Variants in LOC400499 observed in about 807,000 individuals in gnomAD.
the LOC400499 span, chr16:11,478,069 T>C: frequency 5.0e-6 from 2 of 396,654 alleles, no homozygotes; most frequent in East Asian, 7.2e-5. Context: ...TCCCAGCACT[T>C]TGGGAGGCCG....
At chr16:11,431,848 C>T in the LOC400499 span, among the ~76,000 whole-genome samples, 2 of 152,314 alleles carry the variant, frequency 1.3e-5, no homozygotes, top group African/African-American at 4.8e-5. Flanking sequence ...TATGTCCTCT[C>T]CCTTTGAATC....
the LOC400499 span, chr16:11,447,020 A>C: frequency 4.8e-6 from 6 of 1,256,728 alleles, no homozygotes; most frequent in Non-Finnish European, 6.4e-6. Flanking sequence ...TTGCAGAGTT[A>C]AGACTCTGCC....
At chr16:11,488,777 A>ATGTCCTCGGGGAGGG in the LOC400499 span, 2 of 398,780 alleles carry the variant, frequency 5.0e-6, no homozygotes, top group African/African-American at 4.1e-5. Flanking sequence ...CTGGCTGAGG[A>ATGTCCTCGGGGAGGG]TGTCCTCGGG....
chr16:11,377,118 A>C, the LOC400499 span, among the ~76,000 whole-genome samples: 1 of 152,072 alleles, frequency 6.6e-6, no homozygotes, highest in Non-Finnish European at 1.5e-5. Flanking sequence ...CATGCCCGGC[A>C]GGAATTGTTT....
the LOC400499 span, chr16:11,465,135 T>C: frequency 2.0e-5 from 3 of 152,374 alleles, no homozygotes; most frequent in African/African-American, 7.2e-5. Context: ...CAATCATGCC[T>C]GGTGGGATCA....
chr16:11,381,926 T>C, the LOC400499 span, among the ~76,000 whole-genome samples: 2 of 151,160 alleles, frequency 1.3e-5, no homozygotes, highest in East Asian at 1.9e-4. Flanking sequence ...TAAAGGGTCC[T>C]GTGTCTGTTT....
the LOC400499 span, chr16:11,404,788 C>T: frequency 2.5e-6 from 1 of 399,056 alleles, no homozygotes. Context: ...TCCCACAGCA[C>T]CACCTGGCGC....
the LOC400499 span, among the ~76,000 whole-genome samples, chr16:11,434,425 G>C: frequency 1.1e-4 from 16 of 152,178 alleles, no homozygotes; most frequent in African/African-American, 3.6e-4. Flanking sequence ...GAGAGGCTGA[G>C]GGGAATGGTG....
At chr16:11,508,521 T>C in the LOC400499 span, among the ~76,000 whole-genome samples, 5 of 152,356 alleles carry the variant, frequency 3.3e-5, no homozygotes, top group Admixed American at 6.5e-5. Context: ...GGCACTGGCC[T>C]GGCACACGCC....
At chr16:11,416,644 C>A in the LOC400499 span, among the ~76,000 whole-genome samples, 132 of 152,080 alleles carry the variant, frequency 8.7e-4, no homozygotes, top group African/African-American at 3.0e-3. Flanking sequence ...GTTCAAATGA[C>A]AGAGCTGGGG....
the LOC400499 span, chr16:11,383,966 G>C: frequency 1.6e-6 from 2 of 1,231,722 alleles, no homozygotes; most frequent in African/African-American, 3.1e-5. Flanking sequence ...GGGCAGGCCT[G>C]CTCCTGCTGA....
At chr16:11,468,478 T>C in the LOC400499 span, among the ~76,000 whole-genome samples, 1 of 152,114 alleles carries the variant, frequency 6.6e-6, no homozygotes, top group African/African-American at 2.4e-5. Flanking sequence ...CACACAACTC[T>C]GTGCCTGGTT....
At chr16:11,518,995 G>T in the LOC400499 span, 1 of 398,936 alleles carries the variant, frequency 2.5e-6, no homozygotes, top group Non-Finnish European at 4.4e-6. Flanking sequence ...ACCGTGAGTT[G>T]GTGACCTCTC....
At chr16:11,500,233 C>T in the LOC400499 span, among the ~76,000 whole-genome samples, 3 of 152,094 alleles carry the variant, frequency 2.0e-5, no homozygotes, top group Non-Finnish European at 2.9e-5. Context: ...AACAGTCGGG[C>T]GTGGTGGCTC....
At chr16:11,408,049 C>G in the LOC400499 span, among the ~76,000 whole-genome samples, 2 of 133,848 alleles carry the variant, frequency 1.5e-5, no homozygotes, top group African/African-American at 2.8e-5. Context: ...GTGGCACGAT[C>G]TCGGCTCACT....
chr16:11,494,867 G>T, the LOC400499 span: 1 of 397,794 alleles, frequency 2.5e-6, no homozygotes, highest in Non-Finnish European at 4.4e-6. Context: ...ATACAGAGCT[G>T]AGTCCCCCAG....
At chr16:11,414,348 G>A in the LOC400499 span, 14 of 399,366 alleles carry the variant, frequency 3.5e-5, no homozygotes, top group Non-Finnish European at 5.7e-5. Context: ...TTACCTGGTT[G>A]GTGAAGGGCA....
the LOC400499 span, among the ~76,000 whole-genome samples, chr16:11,467,427 T>C: frequency 1.3e-5 from 2 of 150,526 alleles, no homozygotes; most frequent in African/African-American, 2.4e-5. Context: ...CTGGGCAACA[T>C]AGTGAGACCC....
chr16:11,455,838 T>A, the LOC400499 span, among the ~76,000 whole-genome samples: 2 of 151,762 alleles, frequency 1.3e-5, no homozygotes, highest in South Asian at 4.2e-4. Context: ...TAAACTTTAA[T>A]CTTTTAGATT....
Sources: allele counts gnomAD v4.1 joint callset (sites outside exome capture counted in the v4.1 genomes callset), GRCh38; gene constraint gnomAD v4.1.1; transcripts MANE v1.5.